SHLD2: variants seen among roughly 807,000 people sequenced by gnomAD.
SHLD2 encodes RINN1-REV7-interacting novel NHEJ regulator 2.
SHLD2 carries 30 observed loss-of-function variants against 73.2 expected under a neutral mutation model. The ratio of observed to expected loss-of-function variants is 0.41; its 90% CI spans 0.31 to 0.56. SHLD2 has a LOEUF of 0.56. SHLD2 is among the 20% of genes least tolerant of loss of function. SHLD2 has a pLI of 0.28. For missense variants in SHLD2, 745 were observed against 1,055.9 expected, an observed-to-expected ratio of 0.71 and a Z score of 4.08; for synonymous variants, 285 against 370.1, an observed-to-expected ratio of 0.77 and a Z score of 2.64.
chr10:87,151,105 G>A (rs1408271805), intron 2 of SHLD2, among the ~76,000 whole-genome samples: 4 of 152,160 alleles, frequency 2.6e-5, no homozygotes, highest in Non-Finnish European at 4.4e-5. Flanking sequence ...TTACAGGTGT[G>A]AGCCACTGCG....
chr10:87,103,123 T>C (rs1842374242), intron 2 of SHLD2, among the ~76,000 whole-genome samples: 1 of 151,848 alleles, frequency 6.6e-6, no homozygotes, highest in African/African-American at 2.4e-5. Context: ...GGCAGGAGAA[T>C]CACTTGAACC....
chr10:87,137,564 G>A (rs571452588), intron 2 of SHLD2, among the ~76,000 whole-genome samples: 58 of 152,228 alleles, frequency 3.8e-4, no homozygotes, highest in African/African-American at 1.4e-3. Flanking sequence ...TTTTAGATCT[G>A]TGGGATAATA....
At chr10:87,160,549 A>G (rs1444408510) in intron 4 of SHLD2, among the ~76,000 whole-genome samples, 3 of 152,194 alleles carry the variant, frequency 2.0e-5, no homozygotes, top group Admixed American at 6.5e-5. Flanking sequence ...TATCAATAAA[A>G]TAGATACTTA....
At chr10:87,166,428 G>A (rs545022382) in intron 4 of SHLD2, among the ~76,000 whole-genome samples, 136 of 152,096 alleles carry the variant, frequency 8.9e-4, no homozygotes, top group Middle Eastern at 3.4e-3. Flanking sequence ...ATGTAACAAA[G>A]TATGTGCAAG....
chr10:87,167,976 C>T (rs921243472), intron 4 of SHLD2, among the ~76,000 whole-genome samples: 2 of 152,086 alleles, frequency 1.3e-5, no homozygotes, highest in Non-Finnish European at 2.9e-5. Context: ...AGTCAAAAAA[C>T]GACAGATGTT....
intron 4 of SHLD2, among the ~76,000 whole-genome samples, chr10:87,167,266 AAC>A (rs764353168): frequency 1.3e-5 from 2 of 152,194 alleles, no homozygotes; most frequent in Non-Finnish European, 2.9e-5. Flanking sequence ...AAAAATCTTG[AAC>A]TAATTAGATA....
At chr10:87,110,926 C>T (rs1462044433) in intron 2 of SHLD2, among the ~76,000 whole-genome samples, 3 of 150,470 alleles carry the variant, frequency 2.0e-5, no homozygotes, top group Admixed American at 1.3e-4. Flanking sequence ...TCACTGCAAC[C>T]TCTGCCTCCC....
chr10:87,138,591 G>A (rs1239419341), intron 2 of SHLD2, among the ~76,000 whole-genome samples: 17 of 152,150 alleles, frequency 1.1e-4, no homozygotes, highest in Admixed American at 3.3e-4. Context: ...CAAAAAGGAG[G>A]AGATGGAATT....
chr10:87,115,529 ACAT>A (rs931297721), intron 2 of SHLD2: 4 of 151,988 alleles, frequency 2.6e-5, no homozygotes, highest in South Asian at 2.1e-4. Flanking sequence ...CGTCCTTTTA[ACAT>A]CATGAGGTAG....
intron 2 of SHLD2, among the ~76,000 whole-genome samples, chr10:87,131,633 T>C (rs1171121105): frequency 6.6e-6 from 1 of 152,152 alleles, no homozygotes; most frequent in Non-Finnish European, 1.5e-5. Context: ...TTGGGTTGTT[T>C]CTGCTTTTTC....
intron 2 of SHLD2, among the ~76,000 whole-genome samples, chr10:87,138,021 G>C (rs1478690296): frequency 2.0e-5 from 3 of 152,018 alleles, no homozygotes; most frequent in African/African-American, 7.3e-5. Context: ...AAAAAGAAAA[G>C]AAGTCCAGGC....
At chr10:87,172,810 G>C (rs181587060) in intron 6 of SHLD2, among the ~76,000 whole-genome samples, 1 of 151,914 alleles carries the variant, frequency 6.6e-6, no homozygotes, top group Non-Finnish European at 1.5e-5. Flanking sequence ...TAATAAAAAT[G>C]TATCTATAAG....
At chr10:87,095,950 T>TA (rs1221982461) in intron 1 of SHLD2, among the ~76,000 whole-genome samples, 1 of 152,134 alleles carries the variant, frequency 6.6e-6, no homozygotes. Flanking sequence ...TAGTCTAAAA[T>TA]AAGGAAACTA....
chr10:87,106,426 G>A (rs970361300), intron 2 of SHLD2, among the ~76,000 whole-genome samples: 13 of 152,008 alleles, frequency 8.6e-5, no homozygotes, highest in African/African-American at 2.9e-4. Context: ...CAAAAGGGGG[G>A]GAACATTCTT....
intron 2 of SHLD2, among the ~76,000 whole-genome samples, chr10:87,110,614 A>G (rs1159583193): frequency 6.6e-6 from 1 of 151,976 alleles, no homozygotes; most frequent in Non-Finnish European, 1.5e-5. Flanking sequence ...CTCAAAAAAA[A>G]AAAAAAAAAG....
At chr10:87,147,079 A>G (rs1219146435) in intron 2 of SHLD2, among the ~76,000 whole-genome samples, 2 of 150,582 alleles carry the variant, frequency 1.3e-5, no homozygotes, top group African/African-American at 2.4e-5. Context: ...AAAGAAAAAA[A>G]AAAAAAAAAC....
chr10:87,172,743 T>G (rs1300308815), intron 6 of SHLD2, among the ~76,000 whole-genome samples: 1 of 151,916 alleles, frequency 6.6e-6, no homozygotes, highest in Non-Finnish European at 1.5e-5. Context: ...TATGTTTATA[T>G]AAGTTAATAC....
intron 2 of SHLD2, among the ~76,000 whole-genome samples, chr10:87,130,769 C>T (rs999298759): frequency 1.1e-4 from 16 of 152,080 alleles, no homozygotes; most frequent in Non-Finnish European, 2.1e-4. Flanking sequence ...TTTGTTTATG[C>T]CTTAAAAATA....
In SHLD2 at chr10:87,170,816, A is replaced by G. The variant is rs770353634; in HGVS notation, c.1829-24A>G. ...CACGTGTGATAGAGTAATGCCAACT[A>G]AGGTACTCATTTTCCTTTTCCAGAG... is the stretch of plus-strand genomic sequence containing the variant. On this transcript the variant is annotated intron_variant, in intron 5 of 9. Coordinates refer to ENST00000298786, the MANE Select transcript of SHLD2 (RefSeq NM_001330112.2). The G allele has an allele frequency of 2.5e-5, 40 of 1,612,316 alleles. 1 individual carries two copies. The highest frequency in any genetic ancestry group is 2.1e-4 in the South Asian group (19 of 91,006).
Sources: allele counts gnomAD v4.1 joint callset (sites outside exome capture counted in the v4.1 genomes callset), GRCh38; gene constraint gnomAD v4.1.1; transcripts MANE v1.5; gene names NCBI Gene and HGNC (gene_info 2026-07-23, HGNC 2026-07-21).